FAM53B: variants seen among roughly 807,000 people sequenced by gnomAD.
FAM53B encodes the protein protein FAM53B.
In FAM53B, 12 loss-of-function variants were observed where a neutral mutation model predicts 32.7. The ratio of observed to expected loss-of-function variants is 0.37; its 90% confidence interval spans 0.24 to 0.59. FAM53B has a LOEUF of 0.59. Among genes scored for constraint, FAM53B ranks in the 20% least tolerant of loss-of-function variants. The pLI is 0.72. For synonymous variants in FAM53B, 234 were observed against 228.7 expected (o/e 1.02, Z -0.21); for missense variants, 477 against 577.7 (o/e 0.83, Z 1.79).
chr10:124,712,214 G>A (rs1434041299), intron 1 of FAM53B, among the ~76,000 whole-genome samples: 1 of 152,016 alleles, frequency 6.6e-6, no homozygotes, highest in African/African-American at 2.4e-5. Flanking sequence ...AAATTAGCTT[G>A]GCATGGTGGT....
chr10:124,690,497 C>T (rs887626533), intron 3 of FAM53B, among the ~76,000 whole-genome samples: 1 of 152,236 alleles, frequency 6.6e-6, no homozygotes, highest in African/African-American at 2.4e-5. Flanking sequence ...AGTGGCCATT[C>T]CCTGTCCTCT....
intron 4 of FAM53B, among the ~76,000 whole-genome samples, chr10:124,625,869 G>A (rs1376534722): frequency 6.6e-6 from 1 of 152,250 alleles, no homozygotes; most frequent in South Asian, 2.1e-4. Context: ...AGGCCAGGAT[G>A]CGTCAGGGCC....
At position 124,623,421 on chromosome 10, in the gene FAM53B, C is replaced by T. The variant is rs772308010; in HGVS notation, c.1090G>A (p.Asp364Asn). 26 of 1,607,068 alleles carry T rather than the reference C, an allele frequency of 1.6e-5. No homozygotes were observed. The highest frequency in any genetic ancestry group is 1.1e-4 in the East Asian group (5 of 44,634). Residue 364 changes from aspartate (D) to asparagine (N), a missense_variant, in exon 5 of 5, where the codon GAC becomes AAC. Around this residue, in one of 2 missense-constraint regions of FAM53B, gnomAD observed 165 missense variants for 157.5 expected, o/e 1.05. Transcript: ENST00000337318. ...PVPEPLPPSF[D>N]DHLACQEDLS... is the part of the protein sequence containing the mutation. Reference sequence around the variant, plus strand: ...TCCTCCTGGCAGGCGAGGTGGTCGTCGAAGGAAGGGGGAAGAGGCTCAGGG... The same window carrying T: ...TCCTCCTGGCAGGCGAGGTGGTCGTTGAAGGAAGGGGGAAGAGGCTCAGGG...
At chr10:124,689,810 C>G (rs1431770676) in intron 3 of FAM53B, among the ~76,000 whole-genome samples, 1 of 152,244 alleles carries the variant, frequency 6.6e-6, no homozygotes. Context: ...AAAAACCACA[C>G]CAGATGGGGC....
At chr10:124,641,873 A>G (rs1352427704) in intron 4 of FAM53B, among the ~76,000 whole-genome samples, 3 of 152,168 alleles carry the variant, frequency 2.0e-5, no homozygotes, top group Non-Finnish European at 2.9e-5. Context: ...AACTTGGCAC[A>G]CCGCGACTCG....
intron 1 of FAM53B, among the ~76,000 whole-genome samples, chr10:124,736,129 A>T (rs987069379): frequency 6.6e-6 from 1 of 152,246 alleles, no homozygotes; most frequent in Non-Finnish European, 1.5e-5. Flanking sequence ...CACTACGCCC[A>T]TTGCAAGGGG....
intron 4 of FAM53B, among the ~76,000 whole-genome samples, chr10:124,666,049 T>G (rs991621441): frequency 7.9e-5 from 12 of 152,210 alleles, no homozygotes; most frequent in African/African-American, 2.9e-4. Context: ...TGGTGTTCAA[T>G]CAATGCATGC....
At chr10:124,713,852 TC>T (rs955940954) in intron 1 of FAM53B, 6 of 152,216 alleles carry the variant, frequency 3.9e-5, no homozygotes, top group African/African-American at 1.4e-4. Context: ...TCCTGGTGGC[TC>T]CCGGAAGTCA....
intron 1 of FAM53B, among the ~76,000 whole-genome samples, chr10:124,727,523 C>T (rs1950113951): frequency 2.0e-5 from 3 of 152,016 alleles, no homozygotes; most frequent in South Asian, 2.1e-4. Flanking sequence ...AGGTGGAACA[C>T]GAGGTAGCAG....
chr10:124,642,628 G>A (rs760369236), intron 4 of FAM53B, among the ~76,000 whole-genome samples: 2 of 152,190 alleles, frequency 1.3e-5, no homozygotes, highest in Non-Finnish European at 2.9e-5. Context: ...TGAAATCCCC[G>A]TGAGTCAGGA....
intron 3 of FAM53B, among the ~76,000 whole-genome samples, chr10:124,695,783 G>A (rs561960144): frequency 4.6e-5 from 7 of 152,250 alleles, no homozygotes; most frequent in Admixed American, 2.6e-4. Context: ...CGTGGAATGG[G>A]CTATATAAAA....
Position 124,638,926 on chromosome 10 carries a change from T to A in FAM53B, c.907-15322A>T, listed in dbSNP as rs567683732. On this transcript the variant is annotated intron_variant, in intron 4 of 4. Transcript: ENST00000337318. ...CCAGAAGTGAGTGGTGGGGACAAAG[T>A]ATATGTAGGGCCCTGGTGTTCCCTG... is the stretch of plus-strand genomic sequence containing the variant. Among the ~76,000 whole-genome samples the A allele has an allele frequency of 3.3e-5, 5 of 152,178 alleles. 1 individual carries two copies. Among genetic ancestry groups the A allele is most frequent in the African/African-American group, 9.6e-5 (4 of 41,522 alleles).
Position 124,642,047 on chromosome 10 carries a change from G to A in FAM53B, c.907-18443C>T, listed in dbSNP as rs142078246. On this transcript the variant is annotated intron_variant, in intron 4 of 4. Transcript: ENST00000337318. ...GAACAAATGGCGTGCGTGCATACAC[G>A]TGTGCATACATGCCCACCCTGAGAA... is the stretch of plus-strand genomic sequence containing the variant. 4.1e-3 allele frequency among the ~76,000 whole-genome samples: 623 copies of A among 152,306 alleles called. 3 individuals carry two copies. The highest frequency in any genetic ancestry group is 6.1e-3 in the Non-Finnish European group (418 of 68,034).
intron 3 of FAM53B, among the ~76,000 whole-genome samples, chr10:124,692,424 A>AATAAATAG (rs1184024901): frequency 1.3e-5 from 2 of 152,120 alleles, no homozygotes; most frequent in African/African-American, 4.8e-5. Context: ...TAAATAAATA[A>AATAAATAG]AAAGCATAGG....
intron 2 of FAM53B, 65 bp from the exon 3 acceptor site, chr10:124,696,277 C>T: frequency 2.3e-6 from 3 of 1,320,924 alleles, no homozygotes; most frequent in Non-Finnish European, 3.3e-6. Flanking sequence ...ACTGACTCTA[C>T]TGATCCCTTC....
At chr10:124,709,343 C>T (rs1393329780) in intron 1 of FAM53B, among the ~76,000 whole-genome samples, 1 of 152,202 alleles carries the variant, frequency 6.6e-6, no homozygotes, top group Non-Finnish European at 1.5e-5. Flanking sequence ...GAGGCAAAGA[C>T]GGGGCACCCC....
In FAM53B at chr10:124,706,620, C is replaced by G; in HGVS notation, c.78+16G>C. 6 of 1,614,190 alleles carry G rather than the reference C, an allele frequency of 3.7e-6. No individual in the cohort carries two copies. The highest frequency in any genetic ancestry group is 1.1e-5 in the South Asian group (1 of 91,084). ...AGAAATGGTCATGGAAAGCAGGAAG[C>G]CTGCCAGGTCCTCACCAGTTCACGG... On this transcript the variant is annotated intron_variant, in intron 2 of 4. Transcript: ENST00000337318.
intron 3 of FAM53B, among the ~76,000 whole-genome samples, chr10:124,693,943 C>T (rs1234063587): frequency 6.6e-6 from 1 of 152,190 alleles, no homozygotes; most frequent in Non-Finnish European, 1.5e-5. Context: ...GACAGCAAGC[C>T]ACTGAAAATG....
chr10:124,676,599 AT>A (rs1241727917), intron 4 of FAM53B, among the ~76,000 whole-genome samples: 1 of 116,322 alleles, frequency 8.6e-6, no homozygotes, highest in Non-Finnish European at 1.8e-5. Context: ...AGCACAAAAG[AT>A]GGAAAGTGGA....
Sources: gnomAD v4.1 joint callset for allele counts (sites outside exome capture counted in the v4.1 genomes callset) on GRCh38, gnomAD v4.1.1 for gene constraint, gnomAD v4.1.1 regional missense constraint, MANE v1.5 for transcripts, NCBI Gene and HGNC (gene_info 2026-07-23, HGNC 2026-07-21) for gene names.